The following ENOSF1 variants were observed in gnomAD, a reference collection of about 807,000 sequenced individuals.
ENOSF1 encodes mitochondrial enolase superfamily member 1.
Under a neutral mutation model 68.2 loss-of-function variants are expected in ENOSF1, and 73 were observed. That is an observed-to-expected ratio of 1.07 (90% CI 0.89 to 1.30). The LOEUF is 1.30. Among genes scored for constraint, ENOSF1 ranks in the 50% most tolerant of loss-of-function variants. The pLI is 0.00. For missense variants in ENOSF1, 589 were observed against 554.5 expected, an observed-to-expected ratio of 1.06 and a Z score of -0.62; for synonymous variants, 223 against 210.4, an observed-to-expected ratio of 1.06 and a Z score of -0.52.
chr18:682,104 T>C (rs1246259991), intron 11 of ENOSF1, among the ~76,000 whole-genome samples: 1 of 152,154 alleles, frequency 6.6e-6, no homozygotes, highest in African/African-American at 2.4e-5. Context: ...AAAATGTTCC[T>C]AGGCAGGCAG....
chr18:686,162 G>C, intron 9 of ENOSF1, 154 bp from the exon 10 acceptor site: 1 of 626,584 alleles, frequency 1.6e-6, no homozygotes, highest in South Asian at 2.0e-5. Context: ...TAAGTCACTT[G>C]AAATAAACCT....
chr18:690,470 T>C (rs1209277350), intron 8 of ENOSF1, 79 bp downstream of exon 8: 14 of 1,476,806 alleles, frequency 9.5e-6, no homozygotes, highest in Non-Finnish European at 1.2e-5. Flanking sequence ...GTACTGAGAG[T>C]AGTGGTATGA....
chr18:697,131 TA>T (rs1568104324), intron 3 of ENOSF1, 108 bp downstream of exon 3: 1 of 828,750 alleles, frequency 1.2e-6, no homozygotes, highest in East Asian at 2.5e-5. Context: ...AATAAATAAA[TA>T]AACAAATAAA....
intron 10 of ENOSF1, among the ~76,000 whole-genome samples, chr18:684,569 A>AC (rs2076440004): frequency 6.6e-6 from 1 of 152,070 alleles, no homozygotes; most frequent in Non-Finnish European, 1.5e-5. Context: ...GTTCATATTA[A>AC]CCCATTTTAC....
chr18:676,526 G>A (rs760908103), intron 14 of ENOSF1, among the ~76,000 whole-genome samples: 1 of 152,132 alleles, frequency 6.6e-6, no homozygotes, highest in Non-Finnish European at 1.5e-5. Flanking sequence ...CATCATGATT[G>A]TAAGTTTCCA....
rs761655276 is a variant in ENOSF1, at chr18:670,957, C to A, written c.*3348G>T. On this transcript the variant is annotated 3_prime_UTR_variant, in exon 16 of 16. Coordinates refer to ENST00000647584, the MANE Select transcript of ENOSF1 (RefSeq NM_017512.7). ...GGGAAAACAAATTGCAGAGTTTAGT[C>A]TCTGATTAGCTTTTAAATTTGATAT... 91 of 1,420,876 alleles carry A rather than the reference C, an allele frequency of 6.4e-5. No homozygotes were observed. Among genetic ancestry groups the A allele is most frequent in the Non-Finnish European group, 8.5e-5 (89 of 1,045,350 alleles). 88.0% of individuals were successfully genotyped at this position (1,420,876 alleles called of 1,614,324 possible).
intron 5 of ENOSF1, 26 bp downstream of exon 5, chr18:693,856 A>G: frequency 6.2e-7 from 1 of 1,613,150 alleles, no homozygotes; most frequent in Non-Finnish European, 8.5e-7. Flanking sequence ...TACAGAAACA[A>G]TTGTAACATT....
chr18:707,320 C>T (rs896238667), intron 1 of ENOSF1, among the ~76,000 whole-genome samples: 4 of 152,144 alleles, frequency 2.6e-5, no homozygotes, highest in Admixed American at 6.5e-5. Flanking sequence ...CCATCATGCC[C>T]GGAAGGGGCT....
intron 1 of ENOSF1, among the ~76,000 whole-genome samples, chr18:709,993 T>C (rs982863531): frequency 3.9e-5 from 6 of 152,230 alleles, no homozygotes; most frequent in African/African-American, 1.2e-4. Flanking sequence ...CTCCCCAAGA[T>C]AAAATGCTTA....
chr18:697,176 C>CA, intron 3 of ENOSF1, 64 bp downstream of exon 3: 1 of 1,100,590 alleles, frequency 9.1e-7, no homozygotes, highest in Non-Finnish European at 1.4e-6. Context: ...TCGTTGCACT[C>CA]AAAGGACATC....
At position 674,126 on chromosome 18, in the gene ENOSF1, G is replaced by T; in HGVS notation, c.*179C>A. The T allele has an allele frequency of 3.6e-6, 2 of 562,986 alleles. No homozygotes were observed. The highest frequency in any genetic ancestry group is 6.3e-6 in the Non-Finnish European group (2 of 318,492). 34.9% of individuals were successfully genotyped at this position (562,986 alleles called of 1,614,324 possible). A position where few individuals can be genotyped will look rare whatever the true frequency, so the allele number is the denominator to read the frequency against. Reference sequence around the variant, plus strand: ...ATTTAAGGATTAAGTAGGATAACGTGCATTGATTTGCTAAAAGAATCAAGT... The same window carrying T: ...ATTTAAGGATTAAGTAGGATAACGTTCATTGATTTGCTAAAAGAATCAAGT... On this transcript the variant is annotated 3_prime_UTR_variant, in exon 16 of 16. Coordinates refer to ENST00000647584, the MANE Select transcript of ENOSF1 (RefSeq NM_017512.7).
At chr18:683,581 TAC>T (rs1257976998) in intron 10 of ENOSF1, among the ~76,000 whole-genome samples, 2 of 152,022 alleles carry the variant, frequency 1.3e-5, no homozygotes, top group Non-Finnish European at 1.5e-5. Flanking sequence ...TGGCTCCAGG[TAC>T]AGTCTTTAGG....
chr18:678,630 T>A, intron 12 of ENOSF1, 66 bp downstream of exon 12: 4 of 1,518,324 alleles, frequency 2.6e-6, no homozygotes, highest in Non-Finnish European at 3.7e-6. Flanking sequence ...AACTGTGTCC[T>A]CGGTCACTGG....
intron 1 of ENOSF1, among the ~76,000 whole-genome samples, chr18:711,291 C>A (rs1387953691): frequency 1.3e-5 from 2 of 152,164 alleles, no homozygotes; most frequent in Non-Finnish European, 2.9e-5. Flanking sequence ...AACGAGAGAT[C>A]TATTTTTATA....
intron 7 of ENOSF1, 84 bp from the exon 8 acceptor site, chr18:690,715 TG>T (rs2077058523): frequency 8.8e-6 from 14 of 1,584,624 alleles, no homozygotes; most frequent in African/African-American, 2.7e-5. Context: ...CTGTTTCCCC[TG>T]GAGAGTCCAG....
At position 706,801 on chromosome 18, in the gene ENOSF1, G is replaced by GTGTATA. The variant is rs143228323; in HGVS notation, c.85-224_85-223insTATACA. 2.6e-3 allele frequency: 392 copies of GTGTATA among 151,188 alleles called. 13 individuals are homozygous for GTGTATA. Among genetic ancestry groups the GTGTATA allele is most frequent in the Middle Eastern group, 8.4e-3 (3 of 356 alleles). 9.4% of individuals were successfully genotyped at this position (151,188 alleles called of 1,614,324 possible). A position where few individuals can be genotyped will look rare whatever the true frequency, so the allele number is the denominator to read the frequency against. ...AAATGTTTCAACAAGAGCAATGTAT[G>GTGTATA]TATATATATATATATTTTTTTTTTT... is the stretch of plus-strand genomic sequence containing the variant. On this transcript the variant is annotated intron_variant, in intron 1 of 15. Transcript: ENST00000647584.
chr18:698,601 A>C (rs1598741873), intron 2 of ENOSF1, among the ~76,000 whole-genome samples: 1 of 150,626 alleles, frequency 6.6e-6, no homozygotes, highest in East Asian at 1.9e-4. Context: ...CATTACCATC[A>C]ATTATTTATT....
chr18:676,500 T>C (rs1372889923), intron 14 of ENOSF1, among the ~76,000 whole-genome samples: 1 of 152,196 alleles, frequency 6.6e-6, no homozygotes, highest in Non-Finnish European at 1.5e-5. Flanking sequence ...GAAGTGCTTG[T>C]TCCCCCTTCA....
At chr18:663,891 C>T in the ENOSF1 span, among the ~76,000 whole-genome samples, 1 of 110,780 alleles carries the variant, frequency 9.0e-6, no homozygotes, top group Non-Finnish European at 1.8e-5. Flanking sequence ...TGTTTTGGTA[C>T]CAGTACCATA....
Sources: allele counts gnomAD v4.1 joint callset (sites outside exome capture counted in the v4.1 genomes callset), GRCh38; gene constraint gnomAD v4.1.1; transcripts MANE v1.5; gene names NCBI Gene and HGNC (gene_info 2026-07-23, HGNC 2026-07-21).